The following SNTA1 variants were observed in gnomAD, a reference collection of about 807,000 sequenced individuals.
SNTA1 encodes alpha-1-syntrophin.
SNTA1 carries 31 observed loss-of-function variants against 47.1 expected under a neutral mutation model. That is an observed-to-expected ratio of 0.66 (90% CI 0.49 to 0.89). The LOEUF (loss-of-function observed/expected upper bound fraction) is 0.89, where lower values mean the gene tolerates loss of function less well. Ranked by LOEUF, SNTA1 falls within the 40% of genes least tolerant of loss-of-function variation. The pLI, the probability that SNTA1 is intolerant of heterozygous loss-of-function variation, is 0.00. For missense variants in SNTA1, 575 were observed against 693.0 expected (o/e 0.83, Z 1.91); for synonymous variants, 300 against 313.6 (o/e 0.96, Z 0.46).
At chr20:33,424,571 T>G (rs957983293) in intron 2 of SNTA1, among the ~76,000 whole-genome samples, 17 of 151,470 alleles carry the variant, frequency 1.1e-4, no homozygotes, top group Non-Finnish European at 2.4e-4. Context: ...TGGAGTGCGG[T>G]GGTATGATCA....
intron 3 of SNTA1, 118 bp downstream of exon 3, chr20:33,417,601 C>T: frequency 1.3e-6 from 1 of 753,332 alleles, no homozygotes; most frequent in Non-Finnish European, 2.3e-6. Flanking sequence ...TTTTAAGCAC[C>T]TACTATGTCC....
At chr20:33,424,117 C>A (rs1990103125) in intron 2 of SNTA1, among the ~76,000 whole-genome samples, 2 of 151,856 alleles carry the variant, frequency 1.3e-5, no homozygotes, top group South Asian at 4.2e-4. Flanking sequence ...GAGTTGGAGA[C>A]CAGCCTGACC....
At position 33,408,686 on chromosome 20, in the gene SNTA1, C is replaced by T. The variant is rs777543151; in HGVS notation, c.1425+15G>A. On this transcript the variant is annotated intron_variant, in intron 7 of 7. Coordinates refer to ENST00000217381, the MANE Select transcript of SNTA1 (RefSeq NM_003098.3). ...CCCCCTCCTCCCCAGGGTGCAGAGGCAGCCCCTCACTCACGATCTCGCCTT... is the reference window on the plus strand; with the variant it reads ...CCCCCTCCTCCCCAGGGTGCAGAGGTAGCCCCTCACTCACGATCTCGCCTT... 91 of 1,613,602 alleles carry T rather than the reference C, an allele frequency of 5.6e-5. No homozygotes were observed. Among genetic ancestry groups the T allele is most frequent in the Non-Finnish European group, 7.6e-5 (90 of 1,179,636 alleles).
At chr20:33,432,930 TATTA>T (rs1290366387) in intron 2 of SNTA1, among the ~76,000 whole-genome samples, 8 of 151,936 alleles carry the variant, frequency 5.3e-5, no homozygotes, top group East Asian at 1.9e-4. Flanking sequence ...AAATTCACTT[TATTA>T]ATTTTTTTTT....
In SNTA1 at chr20:33,443,388, G is replaced by A. The variant is rs1241571413; in HGVS notation, c.233C>T (p.Pro78Leu). ...AEPGAGPPQL[P>L]EALLLQRRRV... ...GCGCCGCTGGAGCAGTAGCGCCTCTGGCAGCTGCGGGGGCCCGGCGCCCGG... is the reference window on the plus strand; with the variant it reads ...GCGCCGCTGGAGCAGTAGCGCCTCTAGCAGCTGCGGGGGCCCGGCGCCCGG... The change falls in exon 1 of 8, where the codon CCA (proline) becomes CTA (leucine). Residue 78 changes from proline (P) to leucine (L), a missense_variant. Transcript: ENST00000217381. 3 of 1,382,838 alleles carry A rather than the reference G, an allele frequency of 2.2e-6. No homozygotes were observed. Among genetic ancestry groups the A allele is most frequent in the Admixed American group, 3.5e-5 (1 of 28,722 alleles). The allele number at this position is 1,382,838 out of a possible 1,614,324, so 85.7% of individuals were successfully genotyped here. A position where few individuals can be genotyped will look rare whatever the true frequency, so the allele number is the denominator to read the frequency against.
At chr20:33,439,233 G>A (rs915255238) in intron 1 of SNTA1, among the ~76,000 whole-genome samples, 2 of 152,196 alleles carry the variant, frequency 1.3e-5, no homozygotes, top group African/African-American at 4.8e-5. Context: ...ATTAGGTCCG[G>A]TGGCTCATGC....
rs1053739048 is a variant in SNTA1, at chr20:33,438,948, A to C, written c.389T>G (p.Phe130Cys). Residue 130 changes from phenylalanine (F) to cysteine (C), a missense_variant, in exon 2 of 8, where the codon TTT (phenylalanine) becomes TGT (cysteine). Transcript: ENST00000217381. ...CACAGACAGGATGGCATCCCCCACA[A>C]AAAGGGCCTCTGTCTGGTCAGCTGC... Reference protein sequence around the residue: ...GLAADQTEALFVGDAILSVNG... With the variant: ...GLAADQTEALCVGDAILSVNG... 2 of 1,613,996 alleles carry C rather than the reference A, an allele frequency of 1.2e-6. No homozygotes were observed. Among genetic ancestry groups the C allele is most frequent in the African/African-American group, 2.7e-5 (2 of 74,918 alleles).
rs765323110 is a variant in SNTA1, at chr20:33,412,740, G to A, written c.744C>T (p.Phe248=). Residue 248 remains phenylalanine (F), a synonymous_variant, in exon 4 of 8, where the codon TTC becomes TTT. Coordinates refer to ENST00000217381, the MANE Select transcript of SNTA1 (RefSeq NM_003098.3). ...ICSADGQDTL[F]LRAKDEASAR... ...CACTAGCCTCATCCTTGGCCCTCAG[G>A]AAGAGGGTGTCTTGACCATCTGCCG... is the stretch of plus-strand genomic sequence containing the variant. 1.2e-6 allele frequency: 2 copies of A among 1,613,272 alleles called. No homozygotes were observed. The highest frequency in any genetic ancestry group is 1.1e-5 in the South Asian group (1 of 91,006).
chr20:33,431,998 G>T (rs1432827613), intron 2 of SNTA1, among the ~76,000 whole-genome samples: 1 of 152,152 alleles, frequency 6.6e-6, no homozygotes, highest in African/African-American at 2.4e-5. Context: ...TTTTGTTTGT[G>T]GGGAGTCACA....
chr20:33,439,774 C>G (rs897065701), intron 1 of SNTA1, among the ~76,000 whole-genome samples: 2 of 152,008 alleles, frequency 1.3e-5, no homozygotes, highest in African/African-American at 4.8e-5. Context: ...CACTTGAGAC[C>G]AGTAGTTTGA....
chr20:33,439,397 T>A (rs1004257954), intron 1 of SNTA1, among the ~76,000 whole-genome samples: 8 of 152,028 alleles, frequency 5.3e-5, no homozygotes, highest in African/African-American at 1.9e-4. Flanking sequence ...GAAGCTGAAG[T>A]AGGAGGATCA....
chr20:33,417,337 GT>G (rs1989901464), intron 3 of SNTA1, among the ~76,000 whole-genome samples: 1 of 152,098 alleles, frequency 6.6e-6, no homozygotes, highest in African/African-American at 2.4e-5. Context: ...TGATAAAAAG[GT>G]TACCAGACAT....
chr20:33,418,792 CAAAAAA>C (rs760390793), intron 2 of SNTA1, among the ~76,000 whole-genome samples: 1 of 57,436 alleles, frequency 1.7e-5, no homozygotes, highest in African/African-American at 9.6e-5. Context: ...GACTCTGTCT[CAAAAAA>C]AAAAAAAAAA....
intron 1 of SNTA1, among the ~76,000 whole-genome samples, chr20:33,440,585 G>A (rs960480278): frequency 1.3e-5 from 2 of 152,242 alleles, no homozygotes; most frequent in African/African-American, 4.8e-5. Context: ...GGTGGAGGTT[G>A]CAGTGAGCCA....
intron 2 of SNTA1, among the ~76,000 whole-genome samples, chr20:33,434,055 C>A (rs1432855461): frequency 1.3e-5 from 2 of 152,150 alleles, no homozygotes; most frequent in African/African-American, 2.4e-5. Context: ...AAAGGACAGG[C>A]CATCCTTCCA....
intron 3 of SNTA1, among the ~76,000 whole-genome samples, chr20:33,417,473 C>T (rs1027111342): frequency 3.3e-5 from 5 of 152,154 alleles, no homozygotes; most frequent in South Asian, 2.1e-4. Context: ...AGGACTGGAA[C>T]GCAGGGTTCT....
Position 33,410,210 on chromosome 20 carries a change from C to T in SNTA1, c.1162G>A (p.Glu388Lys), listed in dbSNP as rs570991600. 8.1e-6 allele frequency: 13 copies of T among 1,614,068 alleles called. No individual in the cohort carries two copies. The East Asian group carries it at 1.6e-4, about 19-fold the overall frequency. ...AGCTGGCGGGTCCAGGCAGCCAGCT[C>T]CTGCGGTGACTCCACGCTGAACAGG... The part of the protein sequence containing the change: ...THLFSVESPQ[E>K]LAAWTRQLVD... The change falls in exon 6 of 8, where the codon GAG (glutamate) becomes AAG (lysine). Residue 388 changes from glutamate (E) to lysine (K), a missense_variant. Glu to Lys is a moderately conservative substitution (Grantham distance 56). Transcript: ENST00000217381.
intron 2 of SNTA1, among the ~76,000 whole-genome samples, chr20:33,421,581 C>G (rs1990022252): frequency 6.6e-6 from 1 of 151,862 alleles, no homozygotes; most frequent in East Asian, 1.9e-4. Flanking sequence ...CATTGCACTC[C>G]AGCCTGGGCA....
At chr20:33,421,812 C>T (rs1016970140) in intron 2 of SNTA1, among the ~76,000 whole-genome samples, 3 of 151,068 alleles carry the variant, frequency 2.0e-5, no homozygotes, top group African/African-American at 7.3e-5. Context: ...AAAACATTAG[C>T]CAGGCATGGT....
Sources: allele counts gnomAD v4.1 joint callset (sites outside exome capture counted in the v4.1 genomes callset), GRCh38; gene constraint gnomAD v4.1.1; transcripts MANE v1.5; gene names NCBI Gene and HGNC (gene_info 2026-07-23, HGNC 2026-07-21).